Variants in PCDH15 observed in about 807,000 individuals in gnomAD.
The protein encoded by PCDH15 is protocadherin related 15.
Under a neutral mutation model 178.5 loss-of-function variants are expected in PCDH15, and 129 were observed. The observed-to-expected ratio is 0.72, with a 90% CI of 0.63 to 0.84. PCDH15 has a LOEUF of 0.84. Ranked by LOEUF, PCDH15 falls within the 40% of genes least tolerant of loss-of-function variation. The pLI, the probability that PCDH15 is intolerant of heterozygous loss-of-function variation, is 0.00. For missense variants in PCDH15, 2,230 were observed against 2,099.9 expected, an observed-to-expected ratio of 1.06 and a Z score of -1.21; for synonymous variants, 800 against 732.0, an observed-to-expected ratio of 1.09 and a Z score of -1.50.
At chr10:55,486,614 C>T (rs1426828239) in intron 2 of PCDH15, among the ~76,000 whole-genome samples, 1 of 151,494 alleles carries the variant, frequency 6.6e-6, no homozygotes, top group Admixed American at 6.6e-5. Flanking sequence ...TTCCAGAATG[C>T]TATTAAGATG....
At chr10:54,089,925 T>C in intron 16 of PCDH15, 59 bp downstream of exon 16, 1 of 1,327,294 alleles carries the variant, frequency 7.5e-7, no homozygotes, top group Non-Finnish European at 1.1e-6. Flanking sequence ...AAGTCTGCTT[T>C]CTTACTAACA....
At chr10:54,240,775 G>A (rs1239547685) in intron 8 of PCDH15, among the ~76,000 whole-genome samples, 1 of 151,648 alleles carries the variant, frequency 6.6e-6, no homozygotes, top group Non-Finnish European at 1.5e-5. Flanking sequence ...GGGACTACAG[G>A]CGCCCGCCAC....
chr10:55,300,333 G>A (rs980273968), intron 1 of PCDH15, among the ~76,000 whole-genome samples: 8 of 152,240 alleles, frequency 5.3e-5, no homozygotes, highest in South Asian at 2.1e-4. Flanking sequence ...CTTCAACAGA[G>A]GTGATATGTT....
intron 1 of PCDH15, among the ~76,000 whole-genome samples, chr10:54,731,575 C>CAT (rs1943406322): frequency 1.9e-5 from 1 of 53,390 alleles, no homozygotes; most frequent in African/African-American, 5.9e-5. Context: ...CACACACACA[C>CAT]ACACACACAC....
At chr10:55,060,904 C>A (rs1841412896) in intron 2 of PCDH15, among the ~76,000 whole-genome samples, 3 of 151,864 alleles carry the variant, frequency 2.0e-5, no homozygotes, top group Admixed American at 2.0e-4. Context: ...TAGGCACAGG[C>A]CTTAGACTTT....
chr10:54,838,951 C>G lies in PCDH15; in HGVS notation c.-29+58499G>C, dbSNP rs144804035. On this transcript the variant is annotated intron_variant, in intron 3 of 5. Transcript: ENST00000458638. ...ACTATGGATTCCATTGCAGACTACA[C>G]AGAGGCCCTGTGACTCAGCTCTAAT... Among the ~76,000 whole-genome samples, 840 of 152,236 alleles carry G rather than the reference C, an allele frequency of 5.5e-3. 2 individuals are homozygous for G. The highest frequency in any genetic ancestry group is 9.2e-3 in the Non-Finnish European group (627 of 68,018).
At chr10:54,226,496 C>A (rs925916038) in intron 9 of PCDH15, among the ~76,000 whole-genome samples, 2 of 152,098 alleles carry the variant, frequency 1.3e-5, no homozygotes, top group African/African-American at 4.8e-5. Context: ...GTCAGGAGTT[C>A]GAGACCAGCA....
At chr10:54,271,207 A>G (rs2058027266) in intron 8 of PCDH15, among the ~76,000 whole-genome samples, 1 of 149,060 alleles carries the variant, frequency 6.7e-6, no homozygotes, top group African/African-American at 2.5e-5. Flanking sequence ...ATGTTCTTAC[A>G]TTTTGTTTGT....
At chr10:54,645,926 T>A (rs966824190) in intron 2 of PCDH15, among the ~76,000 whole-genome samples, 3 of 152,150 alleles carry the variant, frequency 2.0e-5, no homozygotes, top group Non-Finnish European at 2.9e-5. Flanking sequence ...TTCTTGATTA[T>A]GGATAGAGAT....
intron 14 of PCDH15, among the ~76,000 whole-genome samples, chr10:54,140,584 T>C (rs1417685463): frequency 1.3e-5 from 2 of 151,986 alleles, no homozygotes; most frequent in Non-Finnish European, 1.5e-5. Flanking sequence ...TTCCCCTTCC[T>C]CAGCCTCAGT....
chr10:54,054,584 T>C (rs1327543299), intron 18 of PCDH15, among the ~76,000 whole-genome samples: 1 of 152,098 alleles, frequency 6.6e-6, no homozygotes, highest in Non-Finnish European at 1.5e-5. Context: ...CACACAATAA[T>C]GTGTATTTTT....
At chr10:54,063,818 GCCCTCT>G (rs2094081177) in intron 18 of PCDH15, among the ~76,000 whole-genome samples, 1 of 152,140 alleles carries the variant, frequency 6.6e-6, no homozygotes, top group South Asian at 2.1e-4. Context: ...AGCTCCAGCC[GCCCTCT>G]CCCAGCAAAC....
At chr10:54,643,696 C>T (rs980243323) in intron 2 of PCDH15, among the ~76,000 whole-genome samples, 1 of 149,606 alleles carries the variant, frequency 6.7e-6, no homozygotes, top group Non-Finnish European at 1.5e-5. Context: ...GATATAGATT[C>T]AGAAAAATAT....
intron 2 of PCDH15, among the ~76,000 whole-genome samples, chr10:55,024,306 T>C (rs1840420193): frequency 8.9e-6 from 1 of 112,732 alleles, no homozygotes; most frequent in African/African-American, 3.1e-5. Context: ...AATATATATA[T>C]GGGATGGAAT....
chr10:54,617,389 T>C (rs534799693), intron 2 of PCDH15, among the ~76,000 whole-genome samples: 1 of 152,206 alleles, frequency 6.6e-6, no homozygotes, highest in East Asian at 1.9e-4. Flanking sequence ...ATAGTAAAAT[T>C]GTGTTTTCAA....
At chr10:54,787,251 T>C (rs1045146588) in intron 1 of PCDH15, among the ~76,000 whole-genome samples, 2 of 148,046 alleles carry the variant, frequency 1.4e-5, no homozygotes, top group African/African-American at 4.9e-5. Context: ...TTCCAAAATA[T>C]TCTACATAAA....
intron 3 of PCDH15, among the ~76,000 whole-genome samples, chr10:54,857,301 A>T (rs189558092): frequency 1.4e-3 from 209 of 152,366 alleles, no homozygotes; most frequent in Non-Finnish European, 2.6e-3. Flanking sequence ...TGAATTTCAT[A>T]GAGATAAAAA....
chr10:55,199,103 G>T (rs1164969174), intron 1 of PCDH15, among the ~76,000 whole-genome samples: 1 of 152,102 alleles, frequency 6.6e-6, no homozygotes, highest in Non-Finnish European at 1.5e-5. Context: ...ATGGGCAGAG[G>T]TTGGCATAGC....
At chr10:54,413,842 C>A (rs1400464181) in intron 3 of PCDH15, among the ~76,000 whole-genome samples, 1 of 151,982 alleles carries the variant, frequency 6.6e-6, no homozygotes, top group Non-Finnish European at 1.5e-5. Flanking sequence ...CCTACAATTG[C>A]AATAATAGAC....
Sources: gnomAD v4.1 joint callset for allele counts (sites outside exome capture counted in the v4.1 genomes callset) on GRCh38, gnomAD v4.1.1 for gene constraint, MANE v1.5 for transcripts, NCBI Gene and HGNC (gene_info 2026-07-23, HGNC 2026-07-21) for gene names.